C19orf47: variants seen among roughly 807,000 people sequenced by gnomAD.
C19orf47 encodes uncharacterized protein C19orf47.
In C19orf47, 18 loss-of-function variants were observed where a neutral mutation model predicts 32.3. That is an observed-to-expected ratio of 0.56 (90% CI 0.39 to 0.83). C19orf47 has a LOEUF of 0.83. Among genes scored for constraint, C19orf47 ranks in the 40% least tolerant of loss-of-function variants. The pLI is 0.00. For missense variants in C19orf47, 484 were observed against 531.6 expected (o/e 0.91, Z 0.88); for synonymous variants, 202 against 211.1 (o/e 0.96, Z 0.37).
At position 40,337,288 on chromosome 19, in the gene C19orf47, AATTATTATT is replaced by A. The variant is rs57061818; in HGVS notation, c.20-890_20-882del. 7.8e-4 allele frequency among the ~76,000 whole-genome samples: 112 copies of A among 143,216 alleles called. 1 individual carries two copies. The highest frequency in any genetic ancestry group is 2.4e-3 in the African/African-American group (92 of 39,130). 94.0% of individuals were successfully genotyped at this position (143,216 alleles called of 152,430 possible). A position where few individuals can be genotyped will look rare whatever the true frequency, so the allele number is the denominator to read the frequency against. On this transcript the variant is annotated intron_variant, in intron 2 of 8. Transcript: ENST00000683109. ...GAGGACATCCTCAAACCATGACAGC[AATTATTATT>A]ATTATTATTATTATTATTATTATTA...
intron 2 of C19orf47, 82 bp downstream of exon 2, chr19:40,341,757 C>G: frequency 6.6e-7 from 1 of 1,523,868 alleles, no homozygotes; most frequent in Non-Finnish European, 8.8e-7. Flanking sequence ...CTCCCTCCCC[C>G]ATCCCATCAT....
chr19:40,294,067 C>T, the C19orf47 span, among the ~76,000 whole-genome samples: 3 of 152,116 alleles, frequency 2.0e-5, no homozygotes, highest in Non-Finnish European at 4.4e-5. Context: ...TTGCAGTGTA[C>T]TGAGATGGCG....
chr19:40,326,556 CT>C, intron 6 of C19orf47, 70 bp from the exon 7 acceptor site: 2 of 1,538,902 alleles, frequency 1.3e-6, no homozygotes, highest in Non-Finnish European at 1.8e-6. Context: ...AAGCTGGACA[CT>C]AGGTGTCCTT....
At chr19:40,330,967 T>C (rs2077940770) in intron 5 of C19orf47, among the ~76,000 whole-genome samples, 1 of 152,204 alleles carries the variant, frequency 6.6e-6, no homozygotes, top group Admixed American at 6.5e-5. Context: ...TTTCCATTAC[T>C]GGATTTGGGT....
At chr19:40,328,623 C>G (rs1180036871) in intron 5 of C19orf47, 73 bp from the exon 6 acceptor site, 2 of 1,516,416 alleles carry the variant, frequency 1.3e-6, no homozygotes, top group African/African-American at 2.8e-5. Flanking sequence ...GTCTCAGGGT[C>G]AGGATGGAGA....
At chr19:40,326,210 C>G in intron 7 of C19orf47, 124 bp downstream of exon 7, 1 of 1,348,138 alleles carries the variant, frequency 7.4e-7, no homozygotes, top group Non-Finnish European at 1.0e-6. Flanking sequence ...CCTTGGCCTA[C>G]GGCTCCTGCA....
chr19:40,308,832 G>A, the C19orf47 span, among the ~76,000 whole-genome samples: 7 of 152,070 alleles, frequency 4.6e-5, no homozygotes, highest in African/African-American at 1.7e-4. Flanking sequence ...CACTTTGGGA[G>A]GCCAAAGCAG....
downstream of C19orf47, among the ~76,000 whole-genome samples, chr19:40,315,371 T>C (rs1213841822): frequency 6.6e-6 from 1 of 152,032 alleles, no homozygotes; most frequent in Non-Finnish European, 1.5e-5. Context: ...TAAGGCCAGG[T>C]GTGGTGGCTC....
chr19:40,310,819 T>C, the C19orf47 span, among the ~76,000 whole-genome samples: 4 of 152,154 alleles, frequency 2.6e-5, no homozygotes, highest in Non-Finnish European at 5.9e-5. Flanking sequence ...TGACTGCCTC[T>C]GGAGAGGGGA....
chr19:40,346,761 C>T (rs913209398), intron 1 of C19orf47, among the ~76,000 whole-genome samples: 4 of 151,964 alleles, frequency 2.6e-5, no homozygotes, highest in Non-Finnish European at 5.9e-5. Flanking sequence ...CTCCTGACCT[C>T]GTGATCCGCC....
chr19:40,297,009 C>T, the C19orf47 span, among the ~76,000 whole-genome samples: 1 of 152,072 alleles, frequency 6.6e-6, no homozygotes, highest in Non-Finnish European at 1.5e-5. Flanking sequence ...GCTCATTAAA[C>T]ATCATTATGC....
intron 4 of C19orf47, chr19:40,334,962 G>C (rs1568618368): frequency 7.2e-6 from 1 of 139,486 alleles, no homozygotes; most frequent in Non-Finnish European, 1.6e-5. Context: ...GGGGGGTAGG[G>C]AGGGAGGGAG....
chr19:40,332,770 C>G (rs2077980811), intron 5 of C19orf47: 1 of 152,156 alleles, frequency 6.6e-6, no homozygotes, highest in Non-Finnish European at 1.5e-5. Flanking sequence ...TACAGCAGTG[C>G]TTTCACTGTC....
downstream of C19orf47, among the ~76,000 whole-genome samples, chr19:40,316,000 A>C (rs1251403854): frequency 6.9e-6 from 1 of 144,962 alleles, no homozygotes; most frequent in Non-Finnish European, 1.5e-5. Flanking sequence ...AGTCTATTAC[A>C]AAAAAAAAAA....
In C19orf47 at chr19:40,323,964, A is replaced by G. The variant is rs1405847570; in HGVS notation, c.663+42T>C. On this transcript the variant is annotated intron_variant, in intron 8 of 8. Coordinates refer to ENST00000683109, the MANE Select transcript of C19orf47 (RefSeq NM_001256441.2). Reference sequence around the variant, plus strand: ...GTCAGGAGCACCGCTCAGGGAAGACAACAGCTCGCACGCCCAGAATCGCTC... The same window carrying G: ...GTCAGGAGCACCGCTCAGGGAAGACGACAGCTCGCACGCCCAGAATCGCTC... 6 of 1,611,020 alleles carry G rather than the reference A, an allele frequency of 3.7e-6. No individual in the cohort carries two copies. In the African/African-American group the frequency reaches 5.3e-5, roughly 14 times the overall value.
At chr19:40,296,662 C>G in the C19orf47 span, among the ~76,000 whole-genome samples, 1 of 152,048 alleles carries the variant, frequency 6.6e-6, no homozygotes. Flanking sequence ...ACCTGTAATC[C>G]CAGCACTTCG....
the C19orf47 span, among the ~76,000 whole-genome samples, chr19:40,306,182 G>T: frequency 4.2e-5 from 6 of 143,970 alleles, no homozygotes; most frequent in South Asian, 1.1e-3. Flanking sequence ...AAAGGAAAGA[G>T]AATGTTCTTG....
rs542703209 is a variant in C19orf47, at chr19:40,343,000, T to C, written c.-33-1110A>G. Among the ~76,000 whole-genome samples, 8 of 152,314 alleles carry C rather than the reference T, an allele frequency of 5.3e-5. 1 individual carries two copies. The South Asian group carries it at 1.7e-3, about 32-fold the overall frequency. On this transcript the variant is annotated intron_variant, in intron 1 of 8. Transcript: ENST00000683109. ...GGTGTTAAGGACATATTAGCACCAA[T>C]GGAGACTGTCTCCGTTAAAAGCAGT...
At chr19:40,294,833 G>A in the C19orf47 span, among the ~76,000 whole-genome samples, 1 of 152,180 alleles carries the variant, frequency 6.6e-6, no homozygotes, top group Non-Finnish European at 1.5e-5. Flanking sequence ...CAGCTCTCAG[G>A]AGAGTTTGGT....
Sources: allele counts gnomAD v4.1 joint callset (sites outside exome capture counted in the v4.1 genomes callset), GRCh38; gene constraint gnomAD v4.1.1; transcripts MANE v1.5; gene names NCBI Gene and HGNC (gene_info 2026-07-23, HGNC 2026-07-21).